Variants in LYZL4 observed in about 807,000 individuals in gnomAD.
LYZL4 encodes the protein lysozyme-like protein 4.
In LYZL4, 13 loss-of-function variants were observed where a neutral mutation model predicts 17.6. That is an observed-to-expected ratio of 0.74 (90% CI 0.48 to 1.18). The LOEUF (loss-of-function observed/expected upper bound fraction) is 1.18. Ranked by LOEUF, LYZL4 falls within the 50% of genes most tolerant of loss-of-function variation. The pLI, the probability that LYZL4 is intolerant of heterozygous loss-of-function variation, is 0.00. For synonymous variants in LYZL4, 64 were observed against 67.7 expected (o/e 0.95, Z 0.27); for missense variants, 174 against 188.2 (o/e 0.92, Z 0.44).
At chr3:42,368,441 CAGGTGT>C in the LYZL4 span, among the ~76,000 whole-genome samples, 1 of 152,178 alleles carries the variant, frequency 6.6e-6, no homozygotes, top group South Asian at 2.1e-4. Flanking sequence ...GTATTCTATG[CAGGTGT>C]ATACCACCTT....
the LYZL4 span, among the ~76,000 whole-genome samples, chr3:42,364,093 A>G: frequency 6.6e-6 from 1 of 152,058 alleles, no homozygotes. Context: ...GCCATCTCCC[A>G]CCTACCTCCC....
At chr3:42,371,245 T>C in the LYZL4 span, among the ~76,000 whole-genome samples, 2 of 152,220 alleles carry the variant, frequency 1.3e-5, no homozygotes, top group Non-Finnish European at 2.9e-5. Context: ...GAGGAGAATT[T>C]ATGGAGACCA....
At position 42,407,360 on chromosome 3, in the gene LYZL4, G is replaced by A. The variant is rs1470507176; in HGVS notation, c.-92-17C>T. The A allele has an allele frequency of 6.9e-7, 1 of 1,445,094 alleles. No homozygotes were observed. Among genetic ancestry groups the A allele is most frequent in the Non-Finnish European group, 9.5e-7 (1 of 1,054,440 alleles). The allele number at this position is 1,445,094 out of a possible 1,614,324, so 89.5% of individuals were successfully genotyped here. ...AGAAGGGCACTGTGGGGGTGGGGGTGGAGCACAGTTCAGTGTCATCAGAAA... is the reference window on the plus strand; with the variant it reads ...AGAAGGGCACTGTGGGGGTGGGGGTAGAGCACAGTTCAGTGTCATCAGAAA... On this transcript the variant is annotated splice_polypyrimidine_tract_variant and intron_variant, in intron 1 of 4. Coordinates refer to ENST00000287748, the MANE Select transcript of LYZL4 (RefSeq NM_144634.4).
Position 42,406,995 on chromosome 3 carries a change from AC to A in LYZL4, c.142del (p.Val48CysfsTer53). ...CTTGCTCTCGAAGTAGGCCAGGCAC[AC>A]CCCTAAGATGGAACAGAAGGTGTGT... ...YFEGYSLENW[V>X]CLAYFESKFN... On this transcript the variant is annotated frameshift_variant and splice_region_variant, in exon 3 of 5. Transcript: ENST00000287748. LOFTEE classifies it high-confidence loss of function. 6.2e-7 allele frequency: 1 copy of A among 1,614,114 alleles called. No homozygotes were observed. The highest frequency in any genetic ancestry group is 8.5e-7 in the Non-Finnish European group (1 of 1,180,028).
At chr3:42,362,189 T>C in the LYZL4 span, among the ~76,000 whole-genome samples, 6 of 152,178 alleles carry the variant, frequency 3.9e-5, no homozygotes, top group African/African-American at 1.4e-4. Context: ...ATATACCAAG[T>C]CCTTATTCTG....
At chr3:42,386,393 ACGCC>A in the LYZL4 span, among the ~76,000 whole-genome samples, 1 of 21,050 alleles carries the variant, frequency 4.8e-5, no homozygotes, top group African/African-American at 2.4e-4. Flanking sequence ...TTGAGCCACC[ACGCC>A]CCCCCCCCCC....
In LYZL4 at chr3:42,397,299, G is replaced by A. The variant is rs550819792; in HGVS notation, c.407C>T (p.Thr136Ile). ...TWSRYCQYSD[T>I]LARWLDGCKL ...GCAACCATCCAGCCACCGTGCCAGGGTATCGGAGTACTGGCAGTACCGGGA... is the reference window on the plus strand; with the variant it reads ...GCAACCATCCAGCCACCGTGCCAGGATATCGGAGTACTGGCAGTACCGGGA... Residue 136 changes from threonine (T) to isoleucine (I), a missense_variant, in exon 5 of 5, where the codon ACC (threonine) becomes ATC (isoleucine). Physicochemically the swap from Thr to Ile is moderately conservative, Grantham distance 89. Transcript: ENST00000287748. 2 of 1,572,478 alleles carry A rather than the reference G, an allele frequency of 1.3e-6. No homozygotes were observed. Among genetic ancestry groups the A allele is most frequent in the Non-Finnish European group, 1.7e-6 (2 of 1,158,406 alleles).
At chr3:42,363,302 G>A in the LYZL4 span, among the ~76,000 whole-genome samples, 1 of 152,052 alleles carries the variant, frequency 6.6e-6, no homozygotes. Flanking sequence ...TCTAATGTTG[G>A]GTGACATTAG....
chr3:42,407,394 T>C (rs567040253), intron 1 of LYZL4, 51 bp from the exon 2 acceptor site: 2 of 1,040,420 alleles, frequency 1.9e-6, no homozygotes, highest in East Asian at 2.6e-5. Context: ...AAAATGGGAG[T>C]CTCACCTGGT....
chr3:42,387,488 G>A, the LYZL4 span, among the ~76,000 whole-genome samples: 1 of 152,150 alleles, frequency 6.6e-6, no homozygotes, highest in Non-Finnish European at 1.5e-5. Context: ...CTCACCCAAG[G>A]CTGTGGAGGG....
At chr3:42,383,376 A>C in the LYZL4 span, among the ~76,000 whole-genome samples, 1 of 150,754 alleles carries the variant, frequency 6.6e-6, no homozygotes. Flanking sequence ...GAAACTGTCC[A>C]GCCGGATGGC....
At chr3:42,400,263 A>G (rs1312877298) in intron 4 of LYZL4, among the ~76,000 whole-genome samples, 2 of 152,124 alleles carry the variant, frequency 1.3e-5, no homozygotes, top group East Asian at 3.9e-4. Flanking sequence ...GACTCACTGG[A>G]GTACTGGATA....
At chr3:42,387,510 G>A in the LYZL4 span, among the ~76,000 whole-genome samples, 1 of 152,162 alleles carries the variant, frequency 6.6e-6, no homozygotes, top group Non-Finnish European at 1.5e-5. Flanking sequence ...GAGCCACAGA[G>A]GGTGAAGCAT....
the LYZL4 span, among the ~76,000 whole-genome samples, chr3:42,361,788 C>G: frequency 6.6e-6 from 1 of 152,226 alleles, no homozygotes; most frequent in East Asian, 1.9e-4. Context: ...AGGTTCACAG[C>G]AAAATTGAGA....
At chr3:42,368,251 A>G in the LYZL4 span, among the ~76,000 whole-genome samples, 1 of 152,246 alleles carries the variant, frequency 6.6e-6, no homozygotes, top group African/African-American at 2.4e-5. Flanking sequence ...AGTAATAGCT[A>G]TCGGTCACAG....
At chr3:42,366,642 T>A in the LYZL4 span, among the ~76,000 whole-genome samples, 1 of 152,150 alleles carries the variant, frequency 6.6e-6, no homozygotes, top group Non-Finnish European at 1.5e-5. Flanking sequence ...CCAGCCTTGG[T>A]TTTCAGCAGG....
At chr3:42,406,471 A>AAAG (rs1553628778) in intron 3 of LYZL4, among the ~76,000 whole-genome samples, 12 of 114,842 alleles carry the variant, frequency 1.0e-4, no homozygotes, top group Non-Finnish European at 2.1e-4. Context: ...AAAAAAAAAA[A>AAAG]AAAAAAAAAG....
intron 4 of LYZL4, among the ~76,000 whole-genome samples, chr3:42,402,325 T>C (rs1201715784): frequency 6.7e-6 from 1 of 149,806 alleles, no homozygotes; most frequent in Non-Finnish European, 1.5e-5. Flanking sequence ...CTTTCTTTTT[T>C]TTTTTTTGAG....
chr3:42,392,089 C>G (rs1250966820), downstream of LYZL4, among the ~76,000 whole-genome samples: 4 of 152,106 alleles, frequency 2.6e-5, no homozygotes, highest in Admixed American at 6.5e-5. Flanking sequence ...CCAGGCTGGT[C>G]TTGAACTCTT....
Sources: allele counts gnomAD v4.1 joint callset (sites outside exome capture counted in the v4.1 genomes callset), GRCh38; gene constraint gnomAD v4.1.1; transcripts MANE v1.5; gene names NCBI Gene and HGNC (gene_info 2026-07-23, HGNC 2026-07-21).